The following CFAP54 variants were observed in gnomAD, a reference collection of about 807,000 sequenced individuals.
CFAP54 encodes the protein cilia- and flagella-associated protein 54.
A neutral mutation model predicts 370.4 loss-of-function variants in CFAP54; 290 were observed. That is an observed-to-expected ratio of 0.78 (90% CI 0.71 to 0.86). The LOEUF (loss-of-function observed/expected upper bound fraction) is 0.86. Among genes scored for constraint, CFAP54 ranks in the 40% least tolerant of loss-of-function variants. The pLI, the probability that CFAP54 is intolerant of heterozygous loss-of-function variation, is 0.00. For synonymous variants in CFAP54, 1,206 were observed against 1,236.5 expected (o/e 0.98, Z 0.52); for missense variants, 3,399 against 3,528.7 (o/e 0.96, Z 0.93).
At chr12:96,820,537 A>C (rs1408258118) in intron 65 of CFAP54, among the ~76,000 whole-genome samples, 1 of 152,166 alleles carries the variant, frequency 6.6e-6, no homozygotes. Flanking sequence ...TTCAGCATTT[A>C]TGACTTCTGT....
At chr12:96,538,304 G>A in intron 12 of CFAP54, 80 bp from the exon 13 acceptor site, 8 of 1,198,880 alleles carry the variant, frequency 6.7e-6, no homozygotes, top group Non-Finnish European at 8.1e-6. Flanking sequence ...AGCTCTTAGA[G>A]TGTTTCTCAG....
chr12:96,664,059 AAAT>A, intron 39 of CFAP54, 127 bp downstream of exon 39: 1 of 706,984 alleles, frequency 1.4e-6, no homozygotes, highest in Non-Finnish European at 2.4e-6. Context: ...AGTTGACTAA[AAAT>A]AATGCATTTG....
chr12:96,599,194 T>G (rs1465780794), intron 26 of CFAP54, among the ~76,000 whole-genome samples: 2 of 145,574 alleles, frequency 1.4e-5, no homozygotes, highest in Non-Finnish European at 3.0e-5. Flanking sequence ...ATGTGTGATG[T>G]TCCCCTTCCT....
intron 26 of CFAP54, among the ~76,000 whole-genome samples, chr12:96,610,026 T>C (rs1238009148): frequency 6.6e-6 from 1 of 152,192 alleles, no homozygotes; most frequent in Non-Finnish European, 1.5e-5. Flanking sequence ...TGAACCTGAT[T>C]AATTTAAAAG....
chr12:96,549,912 C>T (rs1047690742), intron 15 of CFAP54, among the ~76,000 whole-genome samples: 1 of 152,026 alleles, frequency 6.6e-6, no homozygotes, highest in African/African-American at 2.4e-5. Flanking sequence ...ATAAGTTCAC[C>T]CAGCAGAGTC....
intron 3 of CFAP54, among the ~76,000 whole-genome samples, chr12:96,506,337 CAA>C (rs10709188): frequency 3.0e-4 from 28 of 94,414 alleles, no homozygotes; most frequent in Admixed American, 4.4e-4. Context: ...GACTCCGTCT[CAA>C]AAAAAAAAAA....
intron 65 of CFAP54, among the ~76,000 whole-genome samples, chr12:96,827,766 T>TTATATATA (rs1959135521): frequency 1.7e-5 from 1 of 57,680 alleles, no homozygotes; most frequent in African/African-American, 6.2e-5. Flanking sequence ...TAACATATTA[T>TTATATATA]ATTATATATA....
chr12:96,548,069 G>T (rs1318922112), intron 15 of CFAP54, 91 bp downstream of exon 15: 2 of 529,686 alleles, frequency 3.8e-6, no homozygotes, highest in South Asian at 3.4e-5. Context: ...GTTAATTGTA[G>T]AAATAATTTT....
chr12:96,564,049 G>C (rs1955840436), intron 17 of CFAP54, among the ~76,000 whole-genome samples: 1 of 152,164 alleles, frequency 6.6e-6, no homozygotes, highest in Non-Finnish European at 1.5e-5. Flanking sequence ...GTGTTACCCA[G>C]AGCTCTTAAA....
rs531249622 is a variant in CFAP54 at position 96,671,794 on chromosome 12, C to T, written c.5564-7806C>T. On this transcript the variant is annotated intron_variant, in intron 39 of 67. Transcript: ENST00000524981. The stretch of plus-strand genomic sequence containing the variant: ...AAACTTAGCTGGGCGTGGTGGCAGG[C>T]GCCTGTAATCCCAGCTACTCGGGAG... Among the ~76,000 whole-genome samples the T allele has an allele frequency of 1.1e-4, 16 of 152,126 alleles. No homozygotes were observed. The South Asian group carries it at 2.9e-3, about 28-fold the overall frequency.
In CFAP54 at chr12:96,792,496, T is replaced by C. The variant is rs1328806783; in HGVS notation, c.8847T>C (p.Pro2949=). 3 of 1,531,102 alleles carry C rather than the reference T, an allele frequency of 2.0e-6. No individual in the cohort carries two copies. Among genetic ancestry groups the C allele is most frequent in the Non-Finnish European group, 8.7e-7 (1 of 1,143,598 alleles). The allele number at this position is 1,531,102 out of a possible 1,614,324, so 94.8% of individuals were successfully genotyped here. A position where few individuals can be genotyped will look rare whatever the true frequency, so the allele number is the denominator to read the frequency against. Residue 2949 remains proline, a synonymous_variant, in exon 63 of 68, where the codon CCT becomes CCC. Transcript: ENST00000524981. The stretch of plus-strand genomic sequence containing the variant: ...ATAGACCTCCCAAGGAGACAGAACC[T>C]ATGGTATGTAATGTACTTATAGAAC... ...PLDRPPKETE[P]MVLLLYAYNL... is the part of the protein sequence containing the mutation.
At chr12:96,572,353 A>G (rs1226567344) in intron 19 of CFAP54, among the ~76,000 whole-genome samples, 2 of 151,970 alleles carry the variant, frequency 1.3e-5, no homozygotes, top group Non-Finnish European at 2.9e-5. Flanking sequence ...CTTAAAGCAG[A>G]GAAGAGGACG....
intron 17 of CFAP54, among the ~76,000 whole-genome samples, chr12:96,563,451 A>G (rs1250906108): frequency 6.6e-6 from 1 of 152,128 alleles, no homozygotes; most frequent in African/African-American, 2.4e-5. Context: ...ATGCATCTGT[A>G]TTTGGCATTC....
At chr12:96,696,621 T>C (rs10860068) in intron 45 of CFAP54, among the ~76,000 whole-genome samples, 23,427 of 152,032 alleles carry the variant, frequency 0.15, 2,313 homozygotes, top group East Asian at 0.48. Flanking sequence ...TAGAATCTTA[T>C]TATTTTCTAT....
At chr12:96,532,476 C>G (rs1440224380) in intron 9 of CFAP54, among the ~76,000 whole-genome samples, 1 of 152,148 alleles carries the variant, frequency 6.6e-6, no homozygotes, top group Non-Finnish European at 1.5e-5. Context: ...TAAGAATTTC[C>G]TTGACTTTCT....
At chr12:96,499,716 C>T (rs938141242) in intron 1 of CFAP54, among the ~76,000 whole-genome samples, 15 of 152,052 alleles carry the variant, frequency 9.9e-5, no homozygotes, top group African/African-American at 2.9e-4. Context: ...GTGGCCTAGG[C>T]GGGTGGATTA....
intron 39 of CFAP54, among the ~76,000 whole-genome samples, chr12:96,664,701 A>G (rs55649464): frequency 0.062 from 612 of 9,950 alleles, 13 homozygotes; most frequent in African/African-American, 0.2. Flanking sequence ...ATATATCTAT[A>G]TATATATATA....
intron 26 of CFAP54, among the ~76,000 whole-genome samples, chr12:96,605,642 ATTT>A (rs1956291777): frequency 1.6e-5 from 2 of 123,746 alleles, no homozygotes; most frequent in African/African-American, 5.3e-5. Context: ...ACGATTACCT[ATTT>A]GTGTCAGGCA....
intron 36 of CFAP54, among the ~76,000 whole-genome samples, chr12:96,656,595 G>C (rs768774255): frequency 3.3e-5 from 5 of 152,198 alleles, no homozygotes; most frequent in Non-Finnish European, 7.4e-5. Flanking sequence ...TGGTCAGGCT[G>C]GTCTCAAACT....
Sources: allele counts gnomAD v4.1 joint callset (sites outside exome capture counted in the v4.1 genomes callset), GRCh38; gene constraint gnomAD v4.1.1; transcripts MANE v1.5; gene names NCBI Gene and HGNC (gene_info 2026-07-23, HGNC 2026-07-21).